GDA: variants seen among roughly 807,000 people sequenced by gnomAD.
The protein encoded by GDA is guanine deaminase, also known as cytoplasmic PSD-95 interactor.
GDA carries 18 observed loss-of-function variants against 59.6 expected under a neutral mutation model. The observed-to-expected ratio is 0.30, with a 90% CI of 0.21 to 0.45. The LOEUF (loss-of-function observed/expected upper bound fraction) is 0.45, where lower values mean the gene tolerates loss of function less well. GDA is among the 20% of genes least tolerant of loss of function. GDA has a pLI of 1.00. For missense variants in GDA, 427 were observed against 552.3 expected (o/e 0.77, Z 2.27); for synonymous variants, 201 against 201.1 (o/e 1.00, Z 0.00).
At chr9:72,145,122 T>C (rs572678596), upstream of GDA, among the ~76,000 whole-genome samples, 2 of 152,162 alleles carry the variant, frequency 1.3e-5, no homozygotes, top group Non-Finnish European at 2.9e-5. Context: ...TTATTTTCGA[T>C]AGCCCATTCT....
chr9:72,220,334 A>G (rs1836710144), intron 6 of GDA, among the ~76,000 whole-genome samples: 1 of 152,238 alleles, frequency 6.6e-6, no homozygotes, highest in Non-Finnish European at 1.5e-5. Context: ...GAAATAATGA[A>G]ATATTAATGA....
intron 12 of GDA, among the ~76,000 whole-genome samples, chr9:72,246,208 C>T (rs1840120914): frequency 6.6e-6 from 1 of 152,200 alleles, no homozygotes; most frequent in South Asian, 2.1e-4. Context: ...AGTGCAATGG[C>T]ATGATCTCAG....
intron 1 of GDA, among the ~76,000 whole-genome samples, chr9:72,171,989 A>G (rs746625311): frequency 3.3e-5 from 5 of 152,210 alleles, no homozygotes; most frequent in Non-Finnish European, 7.3e-5. Context: ...AATGTTACAC[A>G]GCTGATACAT....
intron 1 of GDA, among the ~76,000 whole-genome samples, chr9:72,158,928 C>T (rs938784958): frequency 6.6e-6 from 1 of 151,960 alleles, no homozygotes; most frequent in African/African-American, 2.4e-5. Flanking sequence ...AATGAGGAAA[C>T]GGAGGCTCGG....
chr9:72,240,151 A>G lies in GDA; in HGVS notation c.989-1001A>G, dbSNP rs555597790. 5.9e-5 allele frequency among the ~76,000 whole-genome samples: 9 copies of G among 152,320 alleles called. 1 individual carries two copies. The South Asian group carries it at 1.9e-3, about 32-fold the overall frequency. The stretch of plus-strand genomic sequence containing the variant: ...GATTAGGGACTTTATTTAAATCACT[A>G]AAATTTCATTCTTCATTTAATGATG... On this transcript the variant is annotated intron_variant, in intron 10 of 13. Transcript: ENST00000358399.
chr9:72,138,569 C>T (rs1046936033), intron 1 of GDA, among the ~76,000 whole-genome samples: 15 of 152,200 alleles, frequency 9.9e-5, no homozygotes, highest in Admixed American at 2.6e-4. Flanking sequence ...CTGCATTAAA[C>T]GCTGTTTCCA....
chr9:72,124,380 C>T (rs1825775990), intron 1 of GDA, among the ~76,000 whole-genome samples: 1 of 152,210 alleles, frequency 6.6e-6, no homozygotes, highest in Non-Finnish European at 1.5e-5. Context: ...AATGCTGCTA[C>T]TCAAACTATA....
At chr9:72,216,128 G>A (rs779669371) in intron 5 of GDA, among the ~76,000 whole-genome samples, 8 of 152,200 alleles carry the variant, frequency 5.3e-5, no homozygotes, top group South Asian at 2.1e-4. Flanking sequence ...TTGCCCAAGA[G>A]TCTCATATGT....
intron 1 of GDA, among the ~76,000 whole-genome samples, chr9:72,186,862 A>G (rs375039683): frequency 1.3e-3 from 191 of 152,254 alleles, no homozygotes; most frequent in African/African-American, 4.4e-3. Context: ...TTTCTTTGAA[A>G]TCTTCGCTGA....
intron 1 of GDA, among the ~76,000 whole-genome samples, chr9:72,156,199 GCTT>G (rs1827870608): frequency 6.6e-6 from 1 of 152,202 alleles, no homozygotes; most frequent in Non-Finnish European, 1.5e-5. Flanking sequence ...GATAGGAAAA[GCTT>G]CTTGAAGGAA....
At chr9:72,185,755 A>C (rs1309188111) in intron 1 of GDA, among the ~76,000 whole-genome samples, 1 of 152,170 alleles carries the variant, frequency 6.6e-6, no homozygotes, top group African/African-American at 2.4e-5. Context: ...CAAATTTGCC[A>C]TCTGGTGTTT....
chr9:72,234,865 G>T (rs1486869471), intron 10 of GDA, among the ~76,000 whole-genome samples: 1 of 152,126 alleles, frequency 6.6e-6, no homozygotes, highest in African/African-American at 2.4e-5. Flanking sequence ...ATACCAAAAG[G>T]CAAGAAAAGA....
intron 1 of GDA, chr9:72,194,153 T>C (rs1156887442): frequency 6.6e-6 from 1 of 152,174 alleles, no homozygotes; most frequent in Non-Finnish European, 1.5e-5. Flanking sequence ...AACTGGTACC[T>C]AAAGTGTAAG....
rs146584129 is a variant in GDA at position 72,136,612 on chromosome 9, T to C, written c.-100+21779T>C. Among the ~76,000 whole-genome samples the C allele has an allele frequency of 6.0e-3, 917 of 152,350 alleles. 4 individuals are homozygous for C. Among genetic ancestry groups the C allele is most frequent in the African/African-American group, 0.021 (867 of 41,586 alleles). ...CATGTGAGAGAATACTGGTTTATTC[T>C]TGTTTGCCCCAGAAAGTGCTACCTA... On this transcript the variant is annotated intron_variant, in intron 1 of 13. Transcript: ENST00000545168.
At position 72,250,563 on chromosome 9, in the gene GDA, T is replaced by A; in HGVS notation, c.*2221T>A. The A allele has an allele frequency of 6.9e-7, 1 of 1,457,860 alleles. No homozygotes were observed. Among genetic ancestry groups the A allele is most frequent in the Non-Finnish European group, 9.0e-7 (1 of 1,111,582 alleles). The allele number at this position is 1,457,860 out of a possible 1,614,324, so 90.3% of individuals were successfully genotyped here. A position where few individuals can be genotyped will look rare whatever the true frequency, so the allele number is the denominator to read the frequency against. ...ATGTGTTTTATTTCTCCAAGTGCGG[T>A]GTTCCTGAATGTTATGTATGCTTTT... On this transcript the variant is annotated 3_prime_UTR_variant, in exon 14 of 14. Transcript: ENST00000358399.
At chr9:72,196,767 G>A (rs11143164) in intron 2 of GDA, among the ~76,000 whole-genome samples, 36,502 of 99,038 alleles carry the variant, frequency 0.37, 5,133 homozygotes, top group East Asian at 0.62. Context: ...AACAGACCCC[G>A]GTGTGTGATG....
intron 6 of GDA, among the ~76,000 whole-genome samples, chr9:72,220,180 C>T (rs2131551128): frequency 6.6e-6 from 1 of 152,146 alleles, no homozygotes; most frequent in African/African-American, 2.4e-5. Context: ...AATAAGCCAG[C>T]CCCAGAAAGA....
At chr9:72,213,075 C>A (rs928272487) in intron 4 of GDA, among the ~76,000 whole-genome samples, 15 of 151,876 alleles carry the variant, frequency 9.9e-5, no homozygotes, top group Non-Finnish European at 2.1e-4. Flanking sequence ...TCGAACCATC[C>A]TGGCCAACAT....
intron 1 of GDA, among the ~76,000 whole-genome samples, chr9:72,164,497 A>G (rs1011471019): frequency 3.9e-5 from 6 of 152,196 alleles, no homozygotes; most frequent in African/African-American, 1.4e-4. Context: ...ATTGGAAGAT[A>G]AGGACATGCA....
Sources: gnomAD v4.1 joint callset for allele counts (sites outside exome capture counted in the v4.1 genomes callset) on GRCh38, gnomAD v4.1.1 for gene constraint, MANE v1.5 for transcripts, NCBI Gene and HGNC (gene_info 2026-07-23, HGNC 2026-07-21) for gene names.